Variants in LARGE1 observed in about 807,000 individuals in gnomAD.
The protein encoded by LARGE1 is xylosyl- and glucuronyltransferase LARGE1.
In LARGE1, 43 loss-of-function variants were observed where a neutral mutation model predicts 87.6. The ratio of observed to expected loss-of-function variants is 0.49; its 90% confidence interval spans 0.38 to 0.63. The LOEUF (loss-of-function observed/expected upper bound fraction) is 0.63, where lower values mean the gene tolerates loss of function less well. Among genes scored for constraint, LARGE1 ranks in the 30% least tolerant of loss-of-function variants. The pLI is 0.00. For missense variants in LARGE1, 802 were observed against 1,000.2 expected (o/e 0.80, Z 2.67); for synonymous variants, 434 against 394.6 (o/e 1.10, Z -1.18).
intron 7 of LARGE1, among the ~76,000 whole-genome samples, chr22:33,415,238 C>G (rs2066443644): frequency 6.6e-6 from 1 of 152,150 alleles, no homozygotes; most frequent in South Asian, 2.1e-4. Context: ...GCTTTATTTT[C>G]CTTCTAATCA....
At chr22:33,569,959 G>T (rs569446923) in intron 5 of LARGE1, among the ~76,000 whole-genome samples, 4 of 152,208 alleles carry the variant, frequency 2.6e-5, no homozygotes, top group African/African-American at 9.6e-5. Flanking sequence ...ATTTTTCTCT[G>T]ATATTTTCCT....
At chr22:33,677,911 A>T (rs1199792086) in intron 2 of LARGE1, among the ~76,000 whole-genome samples, 1 of 152,214 alleles carries the variant, frequency 6.6e-6, no homozygotes, top group Non-Finnish European at 1.5e-5. Flanking sequence ...AGTACCAGAC[A>T]TATTTCAGAA....
At chr22:33,709,584 G>A (rs968969908) in intron 2 of LARGE1, among the ~76,000 whole-genome samples, 2 of 151,460 alleles carry the variant, frequency 1.3e-5, no homozygotes, top group South Asian at 2.1e-4. Context: ...TCCAGGTGGC[G>A]TGGTTGTTTA....
At chr22:33,753,409 T>A (rs2084395349) in intron 2 of LARGE1, among the ~76,000 whole-genome samples, 1 of 152,000 alleles carries the variant, frequency 6.6e-6, no homozygotes, top group Admixed American at 6.6e-5. Flanking sequence ...TCAAGAAGCT[T>A]AAAAAGACCA....
the LARGE1 span, among the ~76,000 whole-genome samples, chr22:33,105,092 G>A: frequency 6.6e-6 from 1 of 151,684 alleles, no homozygotes; most frequent in Non-Finnish European, 1.5e-5. Context: ...CCGACTCCTG[G>A]GTTCAAGCGA....
At chr22:33,566,143 G>A (rs1424649589) in intron 5 of LARGE1, among the ~76,000 whole-genome samples, 3 of 152,026 alleles carry the variant, frequency 2.0e-5, no homozygotes, top group Non-Finnish European at 4.4e-5. Context: ...TAAAAATTTT[G>A]TTTTAGACAC....
the LARGE1 span, among the ~76,000 whole-genome samples, chr22:33,101,218 C>T: frequency 6.6e-6 from 1 of 152,098 alleles, no homozygotes; most frequent in East Asian, 1.9e-4. Context: ...GGGTATTATC[C>T]TCACCGTTCC....
At chr22:33,335,978 T>A (rs1462104349) in intron 10 of LARGE1, among the ~76,000 whole-genome samples, 1 of 152,196 alleles carries the variant, frequency 6.6e-6, no homozygotes, top group Non-Finnish European at 1.5e-5. Context: ...GGAACCAAAG[T>A]CCTTTTTCAT....
intron 4 of LARGE1, among the ~76,000 whole-genome samples, chr22:33,616,667 A>G (rs943685109): frequency 1.3e-5 from 2 of 152,222 alleles, no homozygotes; most frequent in African/African-American, 4.8e-5. Context: ...ATGCTACATC[A>G]GGGATGAACT....
At chr22:33,455,067 G>T (rs889995077) in intron 6 of LARGE1, among the ~76,000 whole-genome samples, 1 of 152,226 alleles carries the variant, frequency 6.6e-6, no homozygotes. Context: ...GTATTAATAT[G>T]TGTGTTTGAC....
At chr22:33,130,573 C>T in the LARGE1 span, among the ~76,000 whole-genome samples, 3 of 152,038 alleles carry the variant, frequency 2.0e-5, no homozygotes, top group African/African-American at 7.2e-5. Context: ...CTGTGCAAAT[C>T]GGTTTCAGAA....
chr22:33,601,164 C>T (rs747718088), intron 5 of LARGE1, among the ~76,000 whole-genome samples: 5 of 152,106 alleles, frequency 3.3e-5, no homozygotes, highest in South Asian at 2.1e-4. Flanking sequence ...GGCATGACTG[C>T]GCTTGTTTTT....
Position 33,359,774 on chromosome 22 carries a change from C to T in LARGE1, c.1132-21973G>A, listed in dbSNP as rs557295351. Among the ~76,000 whole-genome samples, 169 of 148,792 alleles carry T rather than the reference C, an allele frequency of 1.1e-3. 7 individuals carry two copies. The highest frequency in any genetic ancestry group is 3.8e-3 in the African/African-American group (155 of 40,486). On this transcript the variant is annotated intron_variant, in intron 9 of 14. Coordinates refer to ENST00000397394, the MANE Select transcript of LARGE1 (RefSeq NM_133642.5). ...AGAGATGGGGTTTCACTGTGTTAGCCAGGATGGTCTCGATCTCCTGACCTT... is the reference window on the plus strand; with the variant it reads ...AGAGATGGGGTTTCACTGTGTTAGCTAGGATGGTCTCGATCTCCTGACCTT...
chr22:33,915,756 C>T (rs2065769390), intron 1 of LARGE1, among the ~76,000 whole-genome samples: 1 of 152,174 alleles, frequency 6.6e-6, no homozygotes, highest in Non-Finnish European at 1.5e-5. Flanking sequence ...GCACAGTCCT[C>T]AGCATGGAAT....
the LARGE1 span, among the ~76,000 whole-genome samples, chr22:33,153,708 A>G: frequency 1.3e-5 from 2 of 152,190 alleles, no homozygotes; most frequent in African/African-American, 4.8e-5. Context: ...TTTAGTTTGC[A>G]TTATCTTACC....
chr22:33,572,059 C>A (rs2078220993), intron 5 of LARGE1: 3 of 477,840 alleles, frequency 6.3e-6, no homozygotes, highest in African/African-American at 2.1e-5. Flanking sequence ...TATCCTGCTT[C>A]CTTCCTAAGG....
At position 33,872,359 on chromosome 22, in the gene LARGE1, CTATTATTATTATTAT is replaced by C. The variant is rs3072360; in HGVS notation, c.-83+47621_-83+47635del. Among the ~76,000 whole-genome samples the C allele has an allele frequency of 2.4e-4, 34 of 142,782 alleles. 1 individual carries two copies. Among genetic ancestry groups the C allele is most frequent in the South Asian group, 1.8e-3 (8 of 4,364 alleles). The allele number at this position is 142,782 out of a possible 152,430, so 93.7% of individuals were successfully genotyped here. ...AGAGCAGACACGCAGTAAATGCTAT[CTATTATTATTATTAT>C]TATTATTATTATTATTATTATTATT... On this transcript the variant is annotated intron_variant, in intron 1 of 14. Transcript: ENST00000397394.
chr22:33,581,389 C>T (rs1434709887), intron 5 of LARGE1, among the ~76,000 whole-genome samples: 1 of 152,150 alleles, frequency 6.6e-6, no homozygotes, highest in African/African-American at 2.4e-5. Flanking sequence ...CTAAAATCAG[C>T]TTGGTGAAAT....
At chr22:33,498,730 G>A (rs1398531364) in intron 6 of LARGE1, among the ~76,000 whole-genome samples, 3 of 152,198 alleles carry the variant, frequency 2.0e-5, no homozygotes, top group Non-Finnish European at 2.9e-5. Context: ...CCAGCACTTT[G>A]GGAGGCCGAG....
Sources: gnomAD v4.1 joint callset for allele counts (sites outside exome capture counted in the v4.1 genomes callset) on GRCh38, gnomAD v4.1.1 for gene constraint, MANE v1.5 for transcripts, NCBI Gene and HGNC (gene_info 2026-07-23, HGNC 2026-07-21) for gene names.